Variants in ZRANB3 observed in about 807,000 individuals in gnomAD.
ZRANB3 encodes zinc finger RANBP2-type containing 3.
A neutral mutation model predicts 133.8 loss-of-function variants in ZRANB3; 125 were observed. The ratio of observed to expected loss-of-function variants is 0.93; its 90% CI spans 0.81 to 1.08. ZRANB3 has a LOEUF of 1.08. Among genes scored for constraint, ZRANB3 ranks in the 50% least tolerant of loss-of-function variants. The probability of loss-of-function intolerance (pLI) is 0.00; values close to 1 mark genes in which losing one functional copy is unlikely to be tolerated. For missense variants in ZRANB3, 1,229 were observed against 1,275.5 expected (o/e 0.96, Z 0.56); for synonymous variants, 387 against 432.7 (o/e 0.89, Z 1.31).
At chr2:135,345,437 C>A in intron 6 of ZRANB3, 113 bp downstream of exon 6, 2 of 704,628 alleles carry the variant, frequency 2.8e-6, no homozygotes, top group Non-Finnish European at 2.3e-6. Flanking sequence ...CACTGCAGTC[C>A]AGCCTGGGCG....
chr2:135,486,922 G>A (rs900381778), intron 2 of ZRANB3, among the ~76,000 whole-genome samples: 4 of 152,194 alleles, frequency 2.6e-5, no homozygotes, highest in African/African-American at 9.7e-5. Flanking sequence ...AATCATGAAT[G>A]TCCTTAATGG....
At chr2:135,480,485 G>C (rs992166438) in intron 2 of ZRANB3, among the ~76,000 whole-genome samples, 1 of 151,930 alleles carries the variant, frequency 6.6e-6, no homozygotes, top group Non-Finnish European at 1.5e-5. Flanking sequence ...TTTTAGGAGA[G>C]AAAACAAAAC....
At chr2:135,512,460 T>A (rs1693508411) in intron 1 of ZRANB3, among the ~76,000 whole-genome samples, 1 of 151,716 alleles carries the variant, frequency 6.6e-6, no homozygotes, top group African/African-American at 2.4e-5. Flanking sequence ...AAGAATGTAT[T>A]GGATGAAATT....
chr2:135,482,274 T>C (rs1427638727), intron 2 of ZRANB3, among the ~76,000 whole-genome samples: 1 of 132,976 alleles, frequency 7.5e-6, no homozygotes, highest in Non-Finnish European at 1.5e-5. Flanking sequence ...CATTTGTTTG[T>C]ATCCTCTTTT....
At chr2:135,460,299 A>G (rs976028902) in intron 2 of ZRANB3, among the ~76,000 whole-genome samples, 3 of 151,488 alleles carry the variant, frequency 2.0e-5, no homozygotes, top group African/African-American at 2.4e-5. Context: ...TCATTCTGTC[A>G]TCTAGGCTGG....
intron 12 of ZRANB3, among the ~76,000 whole-genome samples, chr2:135,256,391 C>T (rs1213837879): frequency 6.6e-6 from 1 of 152,108 alleles, no homozygotes; most frequent in Admixed American, 6.5e-5. Flanking sequence ...TGCAGTGGTA[C>T]AATCTCAGCT....
At chr2:135,226,931 G>T (rs1433759993) in intron 14 of ZRANB3, among the ~76,000 whole-genome samples, 1 of 152,218 alleles carries the variant, frequency 6.6e-6, no homozygotes, top group African/African-American at 2.4e-5. Flanking sequence ...GGAAGACCTT[G>T]AGGAGTTAGA....
intron 2 of ZRANB3, among the ~76,000 whole-genome samples, chr2:135,477,981 C>T (rs1171707104): frequency 2.6e-5 from 4 of 151,770 alleles, no homozygotes; most frequent in Non-Finnish European, 2.9e-5. Flanking sequence ...AGAATGAGAC[C>T]CTGTCTCAAA....
At chr2:135,270,536 A>G (rs773334744) in intron 10 of ZRANB3, among the ~76,000 whole-genome samples, 2 of 151,734 alleles carry the variant, frequency 1.3e-5, no homozygotes, top group Non-Finnish European at 2.9e-5. Context: ...CCTACTTAGC[A>G]CCTCCCCAGC....
chr2:135,296,092 T>A (rs906664268), intron 8 of ZRANB3, among the ~76,000 whole-genome samples: 2 of 152,206 alleles, frequency 1.3e-5, no homozygotes, highest in South Asian at 4.1e-4. Context: ...CTTTGTGGCG[T>A]TCTCTGTATT....
At chr2:135,231,802 C>A (rs541467248) in intron 12 of ZRANB3, among the ~76,000 whole-genome samples, 94 of 151,668 alleles carry the variant, frequency 6.2e-4, no homozygotes, top group Admixed American at 2.0e-3. Context: ...AAAACACACA[C>A]AAAAAAACGG....
At chr2:135,472,937 T>C (rs1489867830) in intron 2 of ZRANB3, among the ~76,000 whole-genome samples, 3 of 152,248 alleles carry the variant, frequency 2.0e-5, no homozygotes, top group Non-Finnish European at 2.9e-5. Flanking sequence ...GCATATAATA[T>C]GTGCTTTTGA....
intron 17 of ZRANB3, among the ~76,000 whole-genome samples, 189 bp downstream of exon 17, chr2:135,217,276 G>A (rs1694350871): frequency 6.6e-6 from 1 of 152,106 alleles, no homozygotes; most frequent in African/African-American, 2.4e-5. Context: ...ATCTCTTTTA[G>A]CAGATTTTGT....
chr2:135,491,759 C>T (rs1051687289), intron 2 of ZRANB3, among the ~76,000 whole-genome samples: 4 of 152,098 alleles, frequency 2.6e-5, no homozygotes, highest in Non-Finnish European at 4.4e-5. Flanking sequence ...TTGTGATCTG[C>T]CCGCCTCAGC....
At chr2:135,465,241 C>T (rs1690931089) in intron 2 of ZRANB3, among the ~76,000 whole-genome samples, 1 of 151,676 alleles carries the variant, frequency 6.6e-6, no homozygotes, top group Non-Finnish European at 1.5e-5. Flanking sequence ...AGTTCTGGTC[C>T]TGTTTTAAAG....
At chr2:135,525,928 T>C (rs1444814015) in intron 1 of ZRANB3, among the ~76,000 whole-genome samples, 1 of 150,984 alleles carries the variant, frequency 6.6e-6, no homozygotes, top group Non-Finnish European at 1.5e-5. Context: ...GTGAAATAAA[T>C]TAGCCACAAA....
intron 1 of ZRANB3, among the ~76,000 whole-genome samples, chr2:135,522,125 GTC>G (rs962700453): frequency 2.6e-5 from 4 of 152,224 alleles, no homozygotes; most frequent in African/African-American, 9.6e-5. Flanking sequence ...ACCAATTTCA[GTC>G]CCGAAAAGTT....
chr2:135,449,661 G>A (rs1378986065), intron 2 of ZRANB3, among the ~76,000 whole-genome samples: 1 of 152,116 alleles, frequency 6.6e-6, no homozygotes, highest in Non-Finnish European at 1.5e-5. Context: ...AATAATCACT[G>A]AGTAACTCAT....
intron 1 of ZRANB3, chr2:135,511,218 A>C (rs16831775): frequency 0.11 from 98,261 of 910,108 alleles, 7,958 homozygotes; most frequent in South Asian, 0.28. Context: ...GTCTTCCCAT[A>C]CTGTCTGAGA....
Sources: allele counts gnomAD v4.1 joint callset (sites outside exome capture counted in the v4.1 genomes callset), GRCh38; gene constraint gnomAD v4.1.1; transcripts MANE v1.5; gene names NCBI Gene and HGNC (gene_info 2026-07-23, HGNC 2026-07-21).